Variants in RIF1 observed in about 807,000 individuals in gnomAD.
RIF1 encodes replication timing regulatory factor 1, also known as telomere-associated protein RIF1.
RIF1 carries 45 observed loss-of-function variants against 247.1 expected under a neutral mutation model. That is an observed-to-expected ratio of 0.18 (90% CI 0.14 to 0.23). The LOEUF (loss-of-function observed/expected upper bound fraction) is 0.23. Ranked by LOEUF, RIF1 falls within the 10% of genes least tolerant of loss-of-function variation. The pLI is 1.00. For synonymous variants in RIF1, 1,087 were observed against 978.8 expected, an observed-to-expected ratio of 1.11 and a Z score of -2.06; for missense variants, 2,967 against 2,862.5, an observed-to-expected ratio of 1.04 and a Z score of -0.83.
In RIF1 at chr2:151,464,169, A is replaced by G; in HGVS notation, c.4649A>G (p.Glu1550Gly). 6.2e-7 allele frequency: 1 copy of G among 1,609,926 alleles called. No homozygotes were observed. The highest frequency in any genetic ancestry group is 8.5e-7 in the Non-Finnish European group (1 of 1,179,060). The change falls in exon 30 of 36, where the codon GAA (glutamate) becomes GGA (glycine). Residue 1550 changes from glutamate (E) to glycine (G), a missense_variant. By Grantham distance (98) the Glu-to-Gly change is moderately conservative. Transcript: ENST00000444746. Reference protein sequence around the residue: ...RASQGLLSSIENSESDSSEAK... With the variant: ...RASQGLLSSIGNSESDSSEAK... ...TCTCAGGGTTTGCTTTCCAGCATTG[A>G]AAACTCAGAATCTGATAGTTCGGAG...
intron 9 of RIF1, chr2:151,490,335 G>A (rs370366880): frequency 9.9e-5 from 156 of 1,573,008 alleles, no homozygotes; most frequent in African/African-American, 4.3e-4. Context: ...TGAGCTGGCC[G>A]GGTGGGACTG....
At chr2:151,534,362 A>G in the RIF1 span, 1 of 1,537,966 alleles carries the variant, frequency 6.5e-7, no homozygotes, top group Non-Finnish European at 9.0e-7. Flanking sequence ...GTACAACTTC[A>G]AGGCTACACA....
rs531825244 is a variant in RIF1, at chr2:151,495,151, T to TATC, written c.*416-75_*416-73dup. 219 of 152,370 alleles carry TATC rather than the reference T, an allele frequency of 1.4e-3. 1 individual carries two copies. Among genetic ancestry groups the TATC allele is most frequent in the African/African-American group, 5.0e-3 (209 of 41,590 alleles). The allele number at this position is 152,370 out of a possible 1,614,324, so 9.4% of individuals were successfully genotyped here. A position where few individuals can be genotyped will look rare whatever the true frequency, so the allele number is the denominator to read the frequency against. ...ATAAGGTTTTTGGCTCTTATATCAC[T>TATC]ATCATGGCGAATCAGTGGAAAATGA... On this transcript the variant is annotated intron_variant and NMD_transcript_variant, in intron 9 of 13. Coordinates refer to the RIF1 transcript ENST00000454583.
At chr2:151,443,819 T>C in intron 18 of RIF1, 110 bp downstream of exon 18, 1 of 638,650 alleles carries the variant, frequency 1.6e-6, no homozygotes, top group Non-Finnish European at 2.5e-6. Context: ...GTAAATATTT[T>C]TTCTGGTGGA....
At chr2:151,515,389 GT>G in the RIF1 span, among the ~76,000 whole-genome samples, 1 of 152,112 alleles carries the variant, frequency 6.6e-6, no homozygotes, top group Non-Finnish European at 1.5e-5. Context: ...ATCATGACCT[GT>G]TTTTTTAATA....
intron 3 of RIF1, among the ~76,000 whole-genome samples, chr2:151,414,407 C>G (rs1686838625): frequency 6.6e-6 from 1 of 152,176 alleles, no homozygotes; most frequent in African/African-American, 2.4e-5. Flanking sequence ...ACGTTACATT[C>G]TAACCCCTTC....
chr2:151,513,457 T>G, the RIF1 span: 1 of 694,086 alleles, frequency 1.4e-6, no homozygotes, highest in South Asian at 2.0e-5. Flanking sequence ...TCCAGGCAGA[T>G]GTTCAAGAAT....
rs192767465 is a variant in RIF1 at position 151,410,824 on chromosome 2, A to G, written c.104+297A>G. On this transcript the variant is annotated intron_variant, in intron 2 of 35. Coordinates refer to ENST00000444746, the MANE Select transcript of RIF1 (RefSeq NM_018151.5). ...AGTAGTTGTTGGAGGAGGGGTCTTC[A>G]GTGTAAACCTCCGATGTGTTGGGAA... 3.0e-3 allele frequency among the ~76,000 whole-genome samples: 452 copies of G among 152,024 alleles called. 3 individuals carry two copies. Among genetic ancestry groups the G allele is most frequent in the African/African-American group, 0.01 (433 of 41,470 alleles).
At chr2:151,430,575 C>T (rs1311282761) in intron 9 of RIF1, among the ~76,000 whole-genome samples, 1 of 152,214 alleles carries the variant, frequency 6.6e-6, no homozygotes, top group East Asian at 1.9e-4. Context: ...CTGCCTCGGT[C>T]TCCCAAAGTG....
chr2:151,492,112 T>C lies in RIF1; in HGVS notation c.*416-3117T>C, dbSNP rs1211886874. ...GGCTCAGTTACCTGTAATAGTCTCC[T>C]GATCTTGGTCATTCCGTTTTTGTTC... On this transcript the variant is annotated intron_variant and NMD_transcript_variant, in intron 9 of 13. Transcript: ENST00000454583. 6.2e-7 allele frequency: 1 copy of C among 1,613,818 alleles called. No individual in the cohort carries two copies. The highest frequency in any genetic ancestry group is 8.5e-7 in the Non-Finnish European group (1 of 1,179,826).
chr2:151,520,883 T>G, the RIF1 span, among the ~76,000 whole-genome samples: 1 of 151,964 alleles, frequency 6.6e-6, no homozygotes. Context: ...ATAAGAGGAT[T>G]TATTTATAGG....
At chr2:151,510,661 GTTA>G (rs776004102), downstream of RIF1, among the ~76,000 whole-genome samples, 4 of 152,058 alleles carry the variant, frequency 2.6e-5, no homozygotes, top group Non-Finnish European at 5.9e-5. Flanking sequence ...TATTTTATTA[GTTA>G]TTGTTGTTAA....
the RIF1 span, among the ~76,000 whole-genome samples, chr2:151,520,996 T>C: frequency 1.3e-5 from 2 of 152,242 alleles, no homozygotes; most frequent in African/African-American, 4.8e-5. Flanking sequence ...AGTAGAATTC[T>C]ACTAGTTATT....
At chr2:151,512,582 G>A, downstream of RIF1, 1 of 676,836 alleles carries the variant, frequency 1.5e-6, no homozygotes, top group Non-Finnish European at 2.6e-6. Flanking sequence ...CCAAAGTGCT[G>A]GGAATACAGA....
chr2:151,514,854 C>G, the RIF1 span: 31 of 1,586,588 alleles, frequency 2.0e-5, no homozygotes. Flanking sequence ...TGACATGTAA[C>G]AAAGCTGGCG....
intron 21 of RIF1, among the ~76,000 whole-genome samples, chr2:151,453,579 C>G (rs1366582372): frequency 2.7e-5 from 2 of 72,890 alleles, no homozygotes; most frequent in South Asian, 1.1e-3. Flanking sequence ...GACTCTGTCT[C>G]AAAAAAAAAA....
intron 9 of RIF1, chr2:151,494,216 G>A: frequency 1.9e-6 from 3 of 1,607,154 alleles, no homozygotes; most frequent in Non-Finnish European, 2.6e-6. Context: ...AGTGACAGGG[G>A]TTGCGGTGGC....
At chr2:151,529,230 C>A in the RIF1 span, 1 of 1,612,156 alleles carries the variant, frequency 6.2e-7, no homozygotes, top group South Asian at 1.1e-5. Context: ...ACTTTGTAGG[C>A]GTCCTTGGCT....
At chr2:151,436,042 G>C (rs1040418657) in intron 11 of RIF1, among the ~76,000 whole-genome samples, 1 of 151,978 alleles carries the variant, frequency 6.6e-6, no homozygotes, top group Non-Finnish European at 1.5e-5. Context: ...TGGCCAACAC[G>C]GTGAAACCCA....
Sources: allele counts gnomAD v4.1 joint callset (sites outside exome capture counted in the v4.1 genomes callset), GRCh38; gene constraint gnomAD v4.1.1; transcripts MANE v1.5; gene names NCBI Gene and HGNC (gene_info 2026-07-23, HGNC 2026-07-21).